The following CCDC60 variants were observed in gnomAD, a reference collection of about 807,000 sequenced individuals.
CCDC60 encodes coiled-coil domain containing 60.
Under a neutral mutation model 63.5 loss-of-function variants are expected in CCDC60, and 54 were observed. The ratio of observed to expected loss-of-function variants is 0.85; its 90% CI spans 0.68 to 1.07. CCDC60 has a LOEUF of 1.07. Among genes scored for constraint, CCDC60 ranks in the 50% least tolerant of loss-of-function variants. CCDC60 has a pLI of 0.00. For missense variants in CCDC60, 651 were observed against 684.3 expected, an observed-to-expected ratio of 0.95 and a Z score of 0.54; for synonymous variants, 206 against 238.8, an observed-to-expected ratio of 0.86 and a Z score of 1.27.
intron 1 of CCDC60, among the ~76,000 whole-genome samples, chr12:119,416,512 T>TTTA: frequency 6.6e-6 from 1 of 152,194 alleles, no homozygotes; most frequent in East Asian, 1.9e-4. Flanking sequence ...AATGAAGTTC[T>TTTA]TTATTACTGA....
chr12:119,347,111 C>G (rs999036596), intron 1 of CCDC60, among the ~76,000 whole-genome samples: 1 of 152,026 alleles, frequency 6.6e-6, no homozygotes, highest in African/African-American at 2.4e-5. Flanking sequence ...TCATAAGCCA[C>G]GTGCCCGGCC....
intron 2 of CCDC60, among the ~76,000 whole-genome samples, chr12:119,435,697 G>T (rs1043142834): frequency 6.6e-6 from 1 of 152,238 alleles, no homozygotes; most frequent in African/African-American, 2.4e-5. Context: ...GAAGTTCAGA[G>T]ATCTACTCAA....
intron 1 of CCDC60, among the ~76,000 whole-genome samples, chr12:119,364,956 G>C (rs1360905452): frequency 6.6e-6 from 1 of 152,096 alleles, no homozygotes; most frequent in African/African-American, 2.4e-5. Context: ...GAGGTGTATA[G>C]AAAACTCAGT....
chr12:119,338,985 G>C (rs1291907820), intron 1 of CCDC60, among the ~76,000 whole-genome samples: 1 of 152,124 alleles, frequency 6.6e-6, no homozygotes, highest in Non-Finnish European at 1.5e-5. Context: ...CCTTGTACAG[G>C]CTCTTCATGG....
intron 11 of CCDC60, among the ~76,000 whole-genome samples, chr12:119,528,032 A>G (rs1043856395): frequency 1.3e-5 from 2 of 152,074 alleles, no homozygotes; most frequent in African/African-American, 4.8e-5. Flanking sequence ...GATGGAAAGG[A>G]TGAGGATAAA....
intron 3 of CCDC60, among the ~76,000 whole-genome samples, chr12:119,477,948 G>A (rs910752151): frequency 2.6e-5 from 4 of 151,772 alleles, no homozygotes; most frequent in Non-Finnish European, 4.4e-5. Context: ...GAGAGAGAGA[G>A]AAAGAGAGAG....
At chr12:119,365,319 TA>T (rs1188093558) in intron 1 of CCDC60, among the ~76,000 whole-genome samples, 1 of 151,954 alleles carries the variant, frequency 6.6e-6, no homozygotes, top group Non-Finnish European at 1.5e-5. Context: ...TAATGAACAC[TA>T]AAAAAAAGTT....
intron 6 of CCDC60, among the ~76,000 whole-genome samples, chr12:119,502,840 CT>C (rs1276729873): frequency 2.0e-5 from 3 of 152,182 alleles, no homozygotes; most frequent in Non-Finnish European, 4.4e-5. Flanking sequence ...AGATTCCAAG[CT>C]GCCTCATGCC....
rs963161550 is a variant in CCDC60, at chr12:119,406,989, G to A, written c.91-21694G>A. 9.9e-5 allele frequency among the ~76,000 whole-genome samples: 15 copies of A among 152,270 alleles called. No homozygotes were observed. The East Asian group carries it at 1.2e-3, about 12-fold the overall frequency. On this transcript the variant is annotated intron_variant, in intron 1 of 13. Coordinates refer to ENST00000327554, the MANE Select transcript of CCDC60 (RefSeq NM_178499.5). ...CGCTGGCTGGAAATACCACTTTAGGGACAGCTAAGGACAAATATCTTCTTG... is the reference window on the plus strand; with the variant it reads ...CGCTGGCTGGAAATACCACTTTAGGAACAGCTAAGGACAAATATCTTCTTG...
chr12:119,478,765 G>A (rs1186697155), intron 3 of CCDC60, among the ~76,000 whole-genome samples: 1 of 152,032 alleles, frequency 6.6e-6, no homozygotes, highest in African/African-American at 2.4e-5. Flanking sequence ...TTGCCACCAC[G>A]CCCAGCTGTT....
At chr12:119,348,574 C>A (rs2136150782) in intron 1 of CCDC60, among the ~76,000 whole-genome samples, 1 of 152,296 alleles carries the variant, frequency 6.6e-6, no homozygotes, top group Middle Eastern at 3.4e-3. Context: ...CATTTCACTT[C>A]TCTGATGCTG....
intron 1 of CCDC60, among the ~76,000 whole-genome samples, chr12:119,396,236 C>T (rs1280522907): frequency 6.6e-6 from 1 of 152,214 alleles, no homozygotes; most frequent in Non-Finnish European, 1.5e-5. Context: ...CCAAACCTGG[C>T]CTTATCCTCT....
Position 119,462,791 on chromosome 12 carries a change from C to CATTTATTT in CCDC60, c.171-9162_171-9155dup, listed in dbSNP as rs61602899. On this transcript the variant is annotated intron_variant, in intron 2 of 13. Transcript: ENST00000327554. ...ATATGCTACCATGCCCAACTAACTT[C>CATTTATTT]ATTTATTTATTTATTTATTTATTTA... Among the ~76,000 whole-genome samples the CATTTATTT allele has an allele frequency of 4.5e-3, 629 of 140,872 alleles. 3 individuals are homozygous for CATTTATTT. The highest frequency in any genetic ancestry group is 7.4e-3 in the Admixed American group (102 of 13,870). The allele number at this position is 140,872 out of a possible 152,430, so 92.4% of individuals were successfully genotyped here.
intron 2 of CCDC60, chr12:119,433,446 C>T: frequency 1.4e-6 from 1 of 701,710 alleles, no homozygotes; most frequent in Non-Finnish European, 2.6e-6. Flanking sequence ...AAGCCACAAG[C>T]AAGCAAGAAA....
chr12:119,358,926 C>G (rs1955744422), intron 1 of CCDC60, among the ~76,000 whole-genome samples: 1 of 152,078 alleles, frequency 6.6e-6, no homozygotes, highest in African/African-American at 2.4e-5. Context: ...TTGTACAATG[C>G]CTTTTGGTGA....
At chr12:119,538,143 G>C (rs1485923274) in intron 13 of CCDC60, among the ~76,000 whole-genome samples, 1 of 152,198 alleles carries the variant, frequency 6.6e-6, no homozygotes, top group Non-Finnish European at 1.5e-5. Flanking sequence ...CCCTCCCCCT[G>C]CCAGGCTGCT....
intron 11 of CCDC60, among the ~76,000 whole-genome samples, chr12:119,524,027 C>T (rs1247378817): frequency 6.6e-6 from 1 of 152,128 alleles, no homozygotes; most frequent in Non-Finnish European, 1.5e-5. Context: ...CATTGTCCTA[C>T]AGTAAGAGAA....
intron 1 of CCDC60, chr12:119,402,514 A>G (rs1593035275): frequency 6.6e-6 from 1 of 152,214 alleles, no homozygotes; most frequent in South Asian, 2.1e-4. Context: ...TTACTCTGTC[A>G]TGTAACTGGA....
intron 1 of CCDC60, among the ~76,000 whole-genome samples, chr12:119,363,967 C>T (rs1413228512): frequency 6.6e-6 from 1 of 152,162 alleles, no homozygotes; most frequent in Non-Finnish European, 1.5e-5. Flanking sequence ...CAGCACTCTT[C>T]ACTCTCTGAA....
Sources: allele counts gnomAD v4.1 joint callset (sites outside exome capture counted in the v4.1 genomes callset), GRCh38; gene constraint gnomAD v4.1.1; transcripts MANE v1.5; gene names NCBI Gene and HGNC (gene_info 2026-07-23, HGNC 2026-07-21).